The following FZD10 variants were observed in gnomAD, a reference collection of about 807,000 sequenced individuals.
FZD10 encodes the protein frizzled class receptor 10.
FZD10 carries 14 observed loss-of-function variants against 24.4 expected under a neutral mutation model. The ratio of observed to expected loss-of-function variants is 0.57; its 90% confidence interval spans 0.38 to 0.90. The LOEUF is 0.90. FZD10 is among the 40% of genes least tolerant of loss of function. FZD10 has a pLI of 0.00. For missense variants in FZD10, 775 were observed against 816.6 expected, an observed-to-expected ratio of 0.95 and a Z score of 0.62; for synonymous variants, 381 against 349.1, an observed-to-expected ratio of 1.09 and a Z score of -1.02.
rs970251678 is a variant in FZD10, at chr12:130,162,597, G to C, written c.-346G>C. 1 of 158,588 alleles carries C rather than the reference G, an allele frequency of 6.3e-6. No homozygotes were observed. The highest frequency in any genetic ancestry group is 2.4e-5 in the African/African-American group (1 of 41,574). The allele number at this position is 158,588 out of a possible 1,614,324, so 9.8% of individuals were successfully genotyped here. A position where few individuals can be genotyped will look rare whatever the true frequency, so the allele number is the denominator to read the frequency against. On this transcript the variant is annotated 5_prime_UTR_variant, in exon 1 of 1. Transcript: ENST00000229030. ...CGGCCTCGGTGTGCCCGCGCCGCCA[G>C]CCCGCTCCAGACGCGCCACCTGGGC...
Position 130,163,997 on chromosome 12 carries a change from G to A in FZD10, c.1055G>A (p.Ser352Asn). Reference sequence around the variant, plus strand: ...CACGAGGCCATCGAAGCCAACAGCAGCTACTTCCACCTGGCAGCCTGGGCC... The same window carrying A: ...CACGAGGCCATCGAAGCCAACAGCAACTACTTCCACCTGGCAGCCTGGGCC... ...WGHEAIEANSSYFHLAAWAIP... is the reference protein window; with the variant it reads ...WGHEAIEANSNYFHLAAWAIP... The change falls in exon 1 of 1, where the codon AGC (serine) becomes AAC (asparagine). Residue 352 changes from serine to asparagine, a missense_variant. By Grantham distance (46) the Ser-to-Asn change is conservative (BLOSUM62 1). Coordinates refer to ENST00000229030, the MANE Select transcript of FZD10 (RefSeq NM_007197.4). The A allele has an allele frequency of 1.2e-6, 2 of 1,613,782 alleles. No individual in the cohort carries two copies. The highest frequency in any genetic ancestry group is 2.2e-5 in the East Asian group (1 of 44,878).
In FZD10 at chr12:130,164,018, G is replaced by T; in HGVS notation, c.1076G>T (p.Trp359Leu). ...ANSSYFHLAA[W>L]AIPAVKTILI... ...AGCAGCTACTTCCACCTGGCAGCCT[G>T]GGCCATCCCGGCGGTGAAGACCATC... Residue 359 changes from tryptophan to leucine, a missense_variant, in exon 1 of 1, where the codon TGG (tryptophan) becomes TTG (leucine). By Grantham distance (61) the Trp-to-Leu change is moderately conservative. Transcript: ENST00000229030. The surrounding 1 kb of genome is among the most constrained non-coding windows in gnomAD (Gnocchi z 5.3). The T allele has an allele frequency of 1.2e-6, 2 of 1,613,732 alleles. No individual in the cohort carries two copies. The highest frequency in any genetic ancestry group is 1.7e-6 in the Non-Finnish European group (2 of 1,180,040).
In FZD10 at chr12:130,163,719, C is replaced by T; in HGVS notation, c.777C>T (p.Pro259=). Residue 259 remains proline (P), a synonymous_variant, in exon 1 of 1, where the codon CCC becomes CCT. Coordinates refer to ENST00000229030, the MANE Select transcript of FZD10 (RefSeq NM_007197.4). ...TCGACCCGGCCCGCTTCCGCTACCC[C>T]GAGCGCCCCATCATCTTCCTCTCCA... ...FLIDPARFRY[P]ERPIIFLSMC... is the part of the protein sequence containing the mutation. The T allele has an allele frequency of 6.2e-7, 1 of 1,613,932 alleles. No homozygotes were observed. Among genetic ancestry groups the T allele is most frequent in the Non-Finnish European group, 8.5e-7 (1 of 1,180,044 alleles).
Position 130,164,514 on chromosome 12 carries a change from C to T in FZD10, c.1572C>T (p.Thr524=). ...VGITSGMWIW[T]SKTLQSWQQV... is the part of the protein sequence containing the mutation. ...TCACCAGCGGGATGTGGATTTGGAC[C>T]TCCAAGACTCTGCAGTCCTGGCAGC... Residue 524 remains threonine, a synonymous_variant, in exon 1 of 1, where the codon ACC becomes ACT. Transcript: ENST00000229030. The surrounding 1 kb of genome is among the most constrained non-coding windows in gnomAD (Gnocchi z 5.3). 1 of 1,613,352 alleles carries T rather than the reference C, an allele frequency of 6.2e-7. No homozygotes were observed. Among genetic ancestry groups the T allele is most frequent in the Non-Finnish European group, 8.5e-7 (1 of 1,180,010 alleles).
Position 130,164,270 on chromosome 12 carries a change from G to T in FZD10, c.1328G>T (p.Arg443Leu). ...NTDKLEKLMVRIGLFSVLYTV... is the reference protein window; with the variant it reads ...NTDKLEKLMVLIGLFSVLYTV... ...GACAAGCTGGAGAAGCTCATGGTGC[G>T]TATCGGGCTCTTCTCTGTGCTGTAC... Residue 443 changes from arginine to leucine, a missense_variant, in exon 1 of 1, where the codon CGT becomes CTT. Arg to Leu is a moderately radical substitution (Grantham distance 102). Coordinates refer to ENST00000229030, the MANE Select transcript of FZD10 (RefSeq NM_007197.4). The surrounding 1 kb of genome is among the most constrained non-coding windows in gnomAD (Gnocchi z 5.3). The T allele has an allele frequency of 1.9e-6, 3 of 1,614,156 alleles. No homozygotes were observed. The highest frequency in any genetic ancestry group is 1.1e-5 in the South Asian group (1 of 91,078).
rs781342731 is a variant in FZD10, at chr12:130,164,646, C to G, written c.1704C>G (p.His568Gln). The part of the protein sequence containing the change: ...KKAQHPQKTH[H>Q]GKYEIPAQSP... ...CCCAGCATCCCCAGAAAACTCACCA[C>G]GGGAAATATGAGATCCCTGCCCAGT... The change falls in exon 1 of 1, where the codon CAC (histidine) becomes CAG (glutamine). Residue 568 changes from histidine (H) to glutamine (Q), a missense_variant. Physicochemically the swap from His to Gln is conservative, Grantham distance 24. Transcript: ENST00000229030. This position sits in a 1 kb window ranked among gnomAD's most constrained non-coding sequence, Gnocchi z 5.3. 6 of 1,611,930 alleles carry G rather than the reference C, an allele frequency of 3.7e-6. No individual in the cohort carries two copies. The African/African-American group carries it at 6.7e-5, about 18-fold the overall frequency.
chr12:130,162,749 C>T lies in FZD10; in HGVS notation c.-194C>T. On this transcript the variant is annotated 5_prime_UTR_variant, in exon 1 of 1. Transcript: ENST00000229030. ...TTGCAAACTTTGCTGCTCTCCGCCG[C>T]GGCCCCCAACTCGGCGGACGCCGGG... is the stretch of plus-strand genomic sequence containing the variant. 1 of 301,342 alleles carries T rather than the reference C, an allele frequency of 3.3e-6. No homozygotes were observed. Among genetic ancestry groups the T allele is most frequent in the Non-Finnish European group, 6.1e-6 (1 of 163,870 alleles). The allele number at this position is 301,342 out of a possible 1,614,324, so 18.7% of individuals were successfully genotyped here.
chr12:130,164,767 T>A lies in FZD10; in HGVS notation c.*79T>A. 2.0e-6 allele frequency: 2 copies of A among 1,008,584 alleles called. No homozygotes were observed. Among genetic ancestry groups the A allele is most frequent in the Non-Finnish European group, 1.4e-6 (1 of 719,082 alleles). 62.5% of individuals were successfully genotyped at this position (1,008,584 alleles called of 1,614,324 possible). A position where few individuals can be genotyped will look rare whatever the true frequency, so the allele number is the denominator to read the frequency against. On this transcript the variant is annotated 3_prime_UTR_variant, in exon 1 of 1. Coordinates refer to ENST00000229030, the MANE Select transcript of FZD10 (RefSeq NM_007197.4). This position sits in a 1 kb window ranked among gnomAD's most constrained non-coding sequence, Gnocchi z 5.3. ...TCTTGGTTGTGTTTTTCTTTCTTCT[T>A]CTTCTTTTTTTTTTTTTATAAAAGC...
rs937634169 is a variant in FZD10, at chr12:130,164,771, C to T, written c.*83C>T. 2.3e-5 allele frequency: 17 copies of T among 745,668 alleles called. No homozygotes were observed. The highest frequency in any genetic ancestry group is 5.5e-5 in the South Asian group (2 of 36,232). The allele number at this position is 745,668 out of a possible 1,614,324, so 46.2% of individuals were successfully genotyped here. On this transcript the variant is annotated 3_prime_UTR_variant, in exon 1 of 1. Transcript: ENST00000229030. The surrounding 1 kb of genome is among the most constrained non-coding windows in gnomAD (Gnocchi z 5.3). Reference sequence around the variant, plus strand: ...GGTTGTGTTTTTCTTTCTTCTTCTTCTTTTTTTTTTTTTATAAAAGCAAAA... The same window carrying T: ...GGTTGTGTTTTTCTTTCTTCTTCTTTTTTTTTTTTTTTTATAAAAGCAAAA...
chr12:130,163,996 A>G lies in FZD10; in HGVS notation c.1054A>G (p.Ser352Gly). ...WGHEAIEANS[S>G]YFHLAAWAIP... is the part of the protein sequence containing the mutation. Reference sequence around the variant, plus strand: ...CCACGAGGCCATCGAAGCCAACAGCAGCTACTTCCACCTGGCAGCCTGGGC... The same window carrying G: ...CCACGAGGCCATCGAAGCCAACAGCGGCTACTTCCACCTGGCAGCCTGGGC... Residue 352 changes from serine (S) to glycine (G), a missense_variant, in exon 1 of 1, where the codon AGC becomes GGC. Physicochemically the swap from Ser to Gly is moderately conservative, Grantham distance 56 (BLOSUM62 0). Coordinates refer to ENST00000229030, the MANE Select transcript of FZD10 (RefSeq NM_007197.4). The G allele has an allele frequency of 6.2e-7, 1 of 1,613,768 alleles. No individual in the cohort carries two copies. The highest frequency in any genetic ancestry group is 8.5e-7 in the Non-Finnish European group (1 of 1,180,042).
chr12:130,164,695 C>A lies in FZD10; in HGVS notation c.*7C>A. On this transcript the variant is annotated 3_prime_UTR_variant, in exon 1 of 1. Coordinates refer to ENST00000229030, the MANE Select transcript of FZD10 (RefSeq NM_007197.4). The surrounding 1 kb of genome is among the most constrained non-coding windows in gnomAD (Gnocchi z 5.3). The stretch of plus-strand genomic sequence containing the variant: ...GTCGCCCACCTGCGTGTGAACAGGG[C>A]TGGAGGGAAGGGCACAGGGGCGCCC... The A allele has an allele frequency of 6.3e-7, 1 of 1,585,802 alleles. No individual in the cohort carries two copies. The highest frequency in any genetic ancestry group is 8.6e-7 in the Non-Finnish European group (1 of 1,164,656).
chr12:130,163,011 C>T lies in FZD10; in HGVS notation c.69C>T (p.Ser23=), dbSNP rs781620193. 1.9e-6 allele frequency: 3 copies of T among 1,605,422 alleles called. No individual in the cohort carries two copies. The highest frequency in any genetic ancestry group is 2.5e-6 in the Non-Finnish European group (3 of 1,177,022). Residue 23 remains serine, a synonymous_variant, in exon 1 of 1, where the codon TCC becomes TCT. Coordinates refer to ENST00000229030, the MANE Select transcript of FZD10 (RefSeq NM_007197.4). The stretch of plus-strand genomic sequence containing the variant: ...TGGGCTCGTGCGCCGCCATCAGCTC[C>T]ATGGACATGGAGCGCCCGGGCGACG... The part of the protein sequence containing the change: ...QVMGSCAAIS[S]MDMERPGDGK...
At position 130,163,482 on chromosome 12, in the gene FZD10, C is replaced by A; in HGVS notation, c.540C>A (p.His180Gln). The A allele has an allele frequency of 2.5e-6, 4 of 1,603,094 alleles. No individual in the cohort carries two copies. Among genetic ancestry groups the A allele is most frequent in the Non-Finnish European group, 2.6e-6 (3 of 1,174,712 alleles). The change falls in exon 1 of 1, where the codon CAC becomes CAA. Residue 180 changes from histidine (H) to glutamine (Q), a missense_variant. His to Gln is a conservative substitution (Grantham distance 24). Transcript: ENST00000229030. ...RPQRPHSAQEHPLKDGGPGRG... is the reference protein window; with the variant it reads ...RPQRPHSAQEQPLKDGGPGRG... ...AGCGGCCCCACAGCGCGCAGGAGCA[C>A]CCGCTGAAGGACGGGGGCCCCGGGC...
Position 130,164,282 on chromosome 12 carries a change from T to A in FZD10, c.1340T>A (p.Phe447Tyr), listed in dbSNP as rs1040302288. The change falls in exon 1 of 1, where the codon TTC (phenylalanine) becomes TAC (tyrosine). Residue 447 changes from phenylalanine (F) to tyrosine (Y), a missense_variant. Coordinates refer to ENST00000229030, the MANE Select transcript of FZD10 (RefSeq NM_007197.4). The surrounding 1 kb of genome is among the most constrained non-coding windows in gnomAD (Gnocchi z 5.3). Reference sequence around the variant, plus strand: ...AAGCTCATGGTGCGTATCGGGCTCTTCTCTGTGCTGTACACCGTGCCGGCC... The same window carrying A: ...AAGCTCATGGTGCGTATCGGGCTCTACTCTGTGCTGTACACCGTGCCGGCC... Reference protein sequence around the residue: ...LEKLMVRIGLFSVLYTVPATC... With the variant: ...LEKLMVRIGLYSVLYTVPATC... The A allele has an allele frequency of 1.9e-6, 3 of 1,613,984 alleles. No individual in the cohort carries two copies. The highest frequency in any genetic ancestry group is 2.7e-5 in the African/African-American group (2 of 74,920).
Position 130,164,626 on chromosome 12 carries a change from C to T in FZD10, c.1684C>T (p.His562Tyr). ...CGGTGGGATTTACAAAAAAGCCCAG[C>T]ATCCCCAGAAAACTCACCACGGGAA... is the stretch of plus-strand genomic sequence containing the variant. ...TSGGIYKKAQ[H>Y]PQKTHHGKYE... Residue 562 changes from histidine to tyrosine, a missense_variant, in exon 1 of 1, where the codon CAT (histidine) becomes TAT (tyrosine). Physicochemically the swap from His to Tyr is moderately conservative, Grantham distance 83. Coordinates refer to ENST00000229030, the MANE Select transcript of FZD10 (RefSeq NM_007197.4). This position sits in a 1 kb window ranked among gnomAD's most constrained non-coding sequence, Gnocchi z 5.3. 6.2e-7 allele frequency: 1 copy of T among 1,612,686 alleles called. No homozygotes were observed. Among genetic ancestry groups the T allele is most frequent in the African/African-American group, 1.3e-5 (1 of 75,040 alleles).
chr12:130,164,332 T>A lies in FZD10; in HGVS notation c.1390T>A (p.Tyr464Asn). ...PATCVIACYF[Y>N]ERLNMDYWKI... is the part of the protein sequence containing the mutation. ...CACCTGTGTGATCGCCTGCTACTTT[T>A]ACGAACGCCTCAACATGGATTACTG... is the stretch of plus-strand genomic sequence containing the variant. The change falls in exon 1 of 1, where the codon TAC becomes AAC. Residue 464 changes from tyrosine to asparagine, a missense_variant. Tyr to Asn is a moderately radical substitution (Grantham distance 143). Coordinates refer to ENST00000229030, the MANE Select transcript of FZD10 (RefSeq NM_007197.4). The surrounding 1 kb of genome is among the most constrained non-coding windows in gnomAD (Gnocchi z 5.3). 6.2e-7 allele frequency: 1 copy of A among 1,614,138 alleles called. No homozygotes were observed. Among genetic ancestry groups the A allele is most frequent in the Non-Finnish European group, 8.5e-7 (1 of 1,180,018 alleles).
At position 130,163,610 on chromosome 12, in the gene FZD10, A is replaced by G; in HGVS notation, c.668A>G (p.Asp223Gly). The part of the protein sequence containing the change: ...PGVDVYWSRE[D>G]KRFAVVWLAI... ...GTGGACGTGTACTGGAGCCGCGAGGACAAGCGCTTCGCAGTGGTCTGGCTG... is the reference window on the plus strand; with the variant it reads ...GTGGACGTGTACTGGAGCCGCGAGGGCAAGCGCTTCGCAGTGGTCTGGCTG... The change falls in exon 1 of 1, where the codon GAC (aspartate) becomes GGC (glycine). Residue 223 changes from aspartate (D) to glycine (G), a missense_variant. Asp to Gly is a moderately conservative substitution (Grantham distance 94). Transcript: ENST00000229030. 2 of 1,612,596 alleles carry G rather than the reference A, an allele frequency of 1.2e-6. No homozygotes were observed. Among genetic ancestry groups the G allele is most frequent in the Non-Finnish European group, 1.7e-6 (2 of 1,179,782 alleles).
rs745459962 is a variant in FZD10 at position 130,163,798 on chromosome 12, G to T, written c.856G>T (p.Glu286Ter). 6.2e-7 allele frequency: 1 copy of T among 1,613,834 alleles called. No individual in the cohort carries two copies. Among genetic ancestry groups the T allele is most frequent in the Non-Finnish European group, 8.5e-7 (1 of 1,180,050 alleles). ...GYLIRLFAGA[E>*]SIACDRDSGQ... ...CCTCATCCGCCTCTTCGCCGGCGCC[G>T]AGAGCATCGCCTGCGACCGGGACAG... The change falls in exon 1 of 1, where the codon GAG becomes TAG. Residue 286 changes from glutamate to a stop codon, truncating the protein, a stop_gained. Coordinates refer to ENST00000229030, the MANE Select transcript of FZD10 (RefSeq NM_007197.4). LOFTEE classifies it high-confidence loss of function.
At position 130,163,221 on chromosome 12, in the gene FZD10, G is replaced by A; in HGVS notation, c.279G>A (p.Pro93=). 1.2e-6 allele frequency: 2 copies of A among 1,612,992 alleles called. No homozygotes were observed. Among genetic ancestry groups the A allele is most frequent in the South Asian group, 1.1e-5 (1 of 91,080 alleles). The change falls in exon 1 of 1, where the codon CCG becomes CCA. Residue 93 remains proline (P), a synonymous_variant. Transcript: ENST00000229030. ...TCTTCCTGTGCTCGCTGTACGCGCC[G>A]ATGTGCACCGAGCAGGTCTCTACCC... ...LRFFLCSLYA[P]MCTEQVSTPI... is the part of the protein sequence containing the mutation.
Sources: allele counts gnomAD v4.1 joint callset, GRCh38; gene constraint gnomAD v4.1.1; non-coding constraint Gnocchi (gnomAD v3.1); transcripts MANE v1.5; gene names NCBI Gene and HGNC (gene_info 2026-07-23, HGNC 2026-07-21).